The following FEZ1 variants were observed in gnomAD, a reference collection of about 807,000 sequenced individuals.
The protein encoded by FEZ1 is fasciculation and elongation protein zeta-1.
In FEZ1, 20 loss-of-function variants were observed where a neutral mutation model predicts 49.3. That is an observed-to-expected ratio of 0.41 (90% CI 0.29 to 0.59). The LOEUF (loss-of-function observed/expected upper bound fraction) is 0.59. FEZ1 is among the 20% of genes least tolerant of loss of function. FEZ1 has a pLI of 0.36. For missense variants in FEZ1, 413 were observed against 476.0 expected (o/e 0.87, Z 1.23); for synonymous variants, 170 against 180.9 (o/e 0.94, Z 0.48).
rs952847415 is a variant in FEZ1, at chr11:125,443,498, G to C, written c.*2597C>G. On this transcript the variant is annotated 3_prime_UTR_variant, in exon 10 of 10. Transcript: ENST00000278919. ...CTTAATACGTAGTAGAGCTGCATTTGAACTCAAGGCACAAAACCCAGGCTC... is the reference window on the plus strand; with the variant it reads ...CTTAATACGTAGTAGAGCTGCATTTCAACTCAAGGCACAAAACCCAGGCTC... Among the ~76,000 whole-genome samples the C allele has an allele frequency of 1.3e-5, 2 of 152,188 alleles. No homozygotes were observed. Among genetic ancestry groups the C allele is most frequent in the Non-Finnish European group, 2.9e-5 (2 of 68,032 alleles).
intron 8 of FEZ1, among the ~76,000 whole-genome samples, chr11:125,449,406 C>T (rs1425506375): frequency 9.0e-5 from 3 of 33,172 alleles, no homozygotes; most frequent in African/African-American, 1.2e-4. Context: ...CATAGCAAGA[C>T]TTTGTCTCTA....
At chr11:125,453,880 A>AG (rs1481559459) in intron 7 of FEZ1, 1 of 349,740 alleles carries the variant, frequency 2.9e-6, no homozygotes, top group East Asian at 4.5e-5. Flanking sequence ...TAGACCTACA[A>AG]GCAGTGTTGA....
At position 125,448,471 on chromosome 11, in the gene FEZ1, T is replaced by C. The variant is rs764919015; in HGVS notation, c.1162+31A>G. On this transcript the variant is annotated intron_variant, in intron 9 of 9. Coordinates refer to ENST00000278919, the MANE Select transcript of FEZ1 (RefSeq NM_005103.5). ...GGAGCAGGAGCTCCAGAGAACCCCT[T>C]CTGCTCCAGGAGGCCTGGGGCTGCT... is the stretch of plus-strand genomic sequence containing the variant. The C allele has an allele frequency of 3.3e-6, 5 of 1,503,114 alleles. No homozygotes were observed. The Admixed American group carries it at 8.4e-5, about 25-fold the overall frequency. The allele number at this position is 1,503,114 out of a possible 1,614,324, so 93.1% of individuals were successfully genotyped here.
At chr11:125,466,589 A>AGATTTGAATCCAGAAAGGGGTCT (rs1957132508) in intron 3 of FEZ1, among the ~76,000 whole-genome samples, 1 of 152,190 alleles carries the variant, frequency 6.6e-6, no homozygotes, top group African/African-American at 2.4e-5. Flanking sequence ...AGAATTGAGA[A>AGATTTGAATCCAGAAAGGGGTCT]GATTTGAATC....
intron 1 of FEZ1, among the ~76,000 whole-genome samples, chr11:125,493,533 A>T (rs543129660): frequency 5.3e-4 from 80 of 151,310 alleles, no homozygotes; most frequent in African/African-American, 1.8e-3. Flanking sequence ...AAAGAAAGAA[A>T]GAAAGAAAGA....
intron 2 of FEZ1, among the ~76,000 whole-genome samples, chr11:125,488,365 T>G (rs375569003): frequency 1.2e-4 from 18 of 152,154 alleles, no homozygotes; most frequent in Middle Eastern, 3.2e-3. Flanking sequence ...TTTCAGGCAT[T>G]AACTGGGGGT....
At chr11:125,490,292 A>T (rs1203107253) in intron 1 of FEZ1, among the ~76,000 whole-genome samples, 1 of 152,206 alleles carries the variant, frequency 6.6e-6, no homozygotes, top group Admixed American at 6.5e-5. Context: ...ACATGATCTA[A>T]ACTCATCTGG....
intron 9 of FEZ1, among the ~76,000 whole-genome samples, chr11:125,447,411 A>G (rs1956908181): frequency 6.6e-6 from 1 of 152,248 alleles, no homozygotes; most frequent in Non-Finnish European, 1.5e-5. Context: ...AAGAGATGTA[A>G]GAGACATATT....
intron 5 of FEZ1, 92 bp downstream of exon 5, chr11:125,460,406 G>T: frequency 9.0e-7 from 1 of 1,109,006 alleles, no homozygotes; most frequent in Non-Finnish European, 1.3e-6. Flanking sequence ...AGGCAGTCAG[G>T]GTTCTATTAG....
chr11:125,493,691 T>C (rs1265490899), intron 1 of FEZ1, among the ~76,000 whole-genome samples: 2 of 152,242 alleles, frequency 1.3e-5, no homozygotes, highest in African/African-American at 4.8e-5. Flanking sequence ...GGCTTCTTTT[T>C]TCAATTTATT....
chr11:125,449,441 A>AAAAAGAAG (rs796507357), intron 8 of FEZ1, among the ~76,000 whole-genome samples: 4 of 128,260 alleles, frequency 3.1e-5, no homozygotes, highest in African/African-American at 1.1e-4. Flanking sequence ...AAAAAAAAAA[A>AAAAAGAAG]AAGAAGAAGA....
At chr11:125,469,719 A>G (rs1957166972) in intron 3 of FEZ1, among the ~76,000 whole-genome samples, 1 of 147,146 alleles carries the variant, frequency 6.8e-6, no homozygotes, top group Non-Finnish European at 1.5e-5. Flanking sequence ...GCATGCCACC[A>G]GGCCCAGCTA....
chr11:125,484,958 C>A (rs1450461628), intron 2 of FEZ1, among the ~76,000 whole-genome samples: 1 of 152,114 alleles, frequency 6.6e-6, no homozygotes, highest in Non-Finnish European at 1.5e-5. Context: ...GCTGTCTATC[C>A]CATCATATAT....
intron 9 of FEZ1, among the ~76,000 whole-genome samples, chr11:125,447,597 G>A (rs1339553340): frequency 1.3e-5 from 2 of 152,122 alleles, no homozygotes; most frequent in East Asian, 3.9e-4. Context: ...CAAGGCGAGT[G>A]GATCACCTGA....
intron 2 of FEZ1, among the ~76,000 whole-genome samples, chr11:125,483,581 T>C (rs1319802561): frequency 6.6e-6 from 1 of 152,166 alleles, no homozygotes; most frequent in Non-Finnish European, 1.5e-5. Flanking sequence ...ATTTGCTTTC[T>C]CCAAGACAAA....
chr11:125,444,162 G>GGCTCTATCTATGGAGAA lies in FEZ1; in HGVS notation c.*1916_*1932dup, dbSNP rs1485298365. Among the ~76,000 whole-genome samples, 5 of 152,236 alleles carry GGCTCTATCTATGGAGAA rather than the reference G, an allele frequency of 3.3e-5. No homozygotes were observed. The highest frequency in any genetic ancestry group is 7.4e-5 in the Non-Finnish European group (5 of 68,018). On this transcript the variant is annotated 3_prime_UTR_variant, in exon 10 of 10. Coordinates refer to ENST00000278919, the MANE Select transcript of FEZ1 (RefSeq NM_005103.5). ...ACTTCCATGCTCCTGTGGCAGCCGG[G>GGCTCTATCTATGGAGAA]GCTCTATCTATGGAGAAGCTCTGCT...
intron 3 of FEZ1, among the ~76,000 whole-genome samples, chr11:125,474,027 TTTTC>T (rs1957206083): frequency 6.6e-6 from 1 of 151,470 alleles, no homozygotes; most frequent in Non-Finnish European, 1.5e-5. Context: ...TTAATTTTCC[TTTTC>T]TTTTTTTTTT....
At chr11:125,487,554 G>C (rs1337832369) in intron 2 of FEZ1, among the ~76,000 whole-genome samples, 1 of 152,154 alleles carries the variant, frequency 6.6e-6, no homozygotes, top group African/African-American at 2.4e-5. Flanking sequence ...CAGATAACAG[G>C]CTCAGAATCT....
intron 5 of FEZ1, among the ~76,000 whole-genome samples, chr11:125,459,040 T>A (rs1005768233): frequency 6.6e-6 from 1 of 151,990 alleles, no homozygotes; most frequent in African/African-American, 2.4e-5. Flanking sequence ...CACTCCAGCC[T>A]GGGCAACAGA....
Sources: gnomAD v4.1 joint callset for allele counts (sites outside exome capture counted in the v4.1 genomes callset) on GRCh38, gnomAD v4.1.1 for gene constraint, MANE v1.5 for transcripts, NCBI Gene and HGNC (gene_info 2026-07-23, HGNC 2026-07-21) for gene names.